The following CYTH1 variants were observed in gnomAD, a reference collection of about 807,000 sequenced individuals.
CYTH1 encodes the protein cytohesin-1.
In CYTH1, 18 loss-of-function variants were observed where a neutral mutation model predicts 61.8. The ratio of observed to expected loss-of-function variants is 0.29; its 90% confidence interval spans 0.20 to 0.43. CYTH1 has a LOEUF of 0.43. Among genes scored for constraint, CYTH1 ranks in the 20% least tolerant of loss-of-function variants. CYTH1 has a pLI of 1.00. For missense variants in CYTH1, 336 were observed against 510.5 expected (o/e 0.66, Z 3.29); for synonymous variants, 174 against 184.3 (o/e 0.94, Z 0.45).
At chr17:78,742,593 C>A (rs2093345664) in intron 1 of CYTH1, among the ~76,000 whole-genome samples, 1 of 152,154 alleles carries the variant, frequency 6.6e-6, no homozygotes, top group Non-Finnish European at 1.5e-5. Context: ...TGGCTCACGC[C>A]TGTAATTCCA....
chr17:78,759,033 A>G (rs2093412535), intron 1 of CYTH1, among the ~76,000 whole-genome samples: 1 of 151,494 alleles, frequency 6.6e-6, no homozygotes, highest in Non-Finnish European at 1.5e-5. Flanking sequence ...AGCATAGGAG[A>G]TCGAGGTTGC....
intron 10 of CYTH1, among the ~76,000 whole-genome samples, chr17:78,693,212 G>A (rs1382717379): frequency 6.6e-6 from 1 of 152,180 alleles, no homozygotes; most frequent in Non-Finnish European, 1.5e-5. Context: ...TTCTCACCTG[G>A]AGCTTATAAC....
At chr17:78,710,017 A>G (rs2093111949) in intron 1 of CYTH1, among the ~76,000 whole-genome samples, 1 of 152,164 alleles carries the variant, frequency 6.6e-6, no homozygotes. Context: ...AAAAGGATGA[A>G]TATTAGCTGA....
At position 78,680,421 on chromosome 17, in the gene CYTH1, A is replaced by G. The variant is rs923277937; in HGVS notation, c.964-77T>C. 8.8e-6 allele frequency: 13 copies of G among 1,469,704 alleles called. No individual in the cohort carries two copies. In the African/African-American group the frequency reaches 1.8e-4, roughly 21 times the overall value. The allele number at this position is 1,469,704 out of a possible 1,614,324, so 91.0% of individuals were successfully genotyped here. A position where few individuals can be genotyped will look rare whatever the true frequency, so the allele number is the denominator to read the frequency against. On this transcript the variant is annotated intron_variant, in intron 12 of 13. Transcript: ENST00000446868. Reference sequence around the variant, plus strand: ...GAGAAACATGCTGATTTCTTTCCCCAAAACCCCTTTCTTCTGACCTTCACA... The same window carrying G: ...GAGAAACATGCTGATTTCTTTCCCCGAAACCCCTTTCTTCTGACCTTCACA...
chr17:78,778,148 C>T (rs1045322727), intron 1 of CYTH1, among the ~76,000 whole-genome samples: 4 of 150,554 alleles, frequency 2.7e-5, no homozygotes, highest in Non-Finnish European at 5.9e-5. Flanking sequence ...ACTAAAAATA[C>T]AAAAATTAGC....
chr17:78,764,603 T>C lies in CYTH1; in HGVS notation c.22+17599A>G, dbSNP rs565387812. Among the ~76,000 whole-genome samples the C allele has an allele frequency of 9.9e-5, 15 of 152,268 alleles. No homozygotes were observed. In the South Asian group the frequency reaches 2.9e-3, roughly 29 times the overall value. On this transcript the variant is annotated intron_variant, in intron 1 of 13. Coordinates refer to ENST00000446868, the MANE Select transcript of CYTH1 (RefSeq NM_004762.6). ...TTTCAGCAAGAACCAGGCTTATATATAAACCCCAAAATAATGGAAGAATGA... is the reference window on the plus strand; with the variant it reads ...TTTCAGCAAGAACCAGGCTTATATACAAACCCCAAAATAATGGAAGAATGA...
intron 11 of CYTH1, among the ~76,000 whole-genome samples, chr17:78,682,914 T>C (rs1431327914): frequency 6.6e-6 from 1 of 152,130 alleles, no homozygotes; most frequent in Non-Finnish European, 1.5e-5. Flanking sequence ...TTGGGGGAGG[T>C]TTAAAAAAAT....
At chr17:78,733,113 C>T (rs1246283222) in intron 1 of CYTH1, among the ~76,000 whole-genome samples, 6 of 105,376 alleles carry the variant, frequency 5.7e-5, no homozygotes, top group Non-Finnish European at 1.2e-4. Flanking sequence ...AAAAGGATAA[C>T]ATGGAAAGTT....
intron 13 of CYTH1, 77 bp from the exon 14 acceptor site, chr17:78,676,246 A>G (rs1598802512): frequency 6.9e-7 from 1 of 1,454,234 alleles, no homozygotes. Context: ...GGGGATTCTC[A>G]GGGGCCCCTC....
intron 1 of CYTH1, among the ~76,000 whole-genome samples, chr17:78,734,986 A>T (rs551566263): frequency 3.9e-5 from 6 of 152,078 alleles, no homozygotes; most frequent in Admixed American, 3.9e-4. Flanking sequence ...ACACCTACCT[A>T]AATGCCACTC....
At position 78,772,215 on chromosome 17, in the gene CYTH1, T is replaced by C. The variant is rs185067698; in HGVS notation, c.22+9987A>G. 2.3e-3 allele frequency among the ~76,000 whole-genome samples: 354 copies of C among 152,160 alleles called. 1 individual carries two copies. Among genetic ancestry groups the C allele is most frequent in the Non-Finnish European group, 4.1e-3 (276 of 68,004 alleles). On this transcript the variant is annotated intron_variant, in intron 1 of 13. Transcript: ENST00000446868. ...GGAGAGCAGGAAAGGTGTGGAACAATAACAGGAAAGCAGACTCGACCAGAC... is the reference window on the plus strand; with the variant it reads ...GGAGAGCAGGAAAGGTGTGGAACAACAACAGGAAAGCAGACTCGACCAGAC...
At chr17:78,762,343 T>C (rs1049265811) in intron 1 of CYTH1, among the ~76,000 whole-genome samples, 7 of 152,180 alleles carry the variant, frequency 4.6e-5, no homozygotes, top group African/African-American at 1.7e-4. Context: ...AGCACTCTTC[T>C]AAAACTAGAA....
intron 1 of CYTH1, among the ~76,000 whole-genome samples, chr17:78,740,982 G>C (rs191567748): frequency 3.9e-5 from 6 of 152,292 alleles, no homozygotes; most frequent in African/African-American, 1.4e-4. Context: ...TAGGGCCTCA[G>C]AGCAGTGTCT....
rs71309108 is a variant in CYTH1 at position 78,778,637 on chromosome 17, CAAAAAAAAA to C, written c.22+3556_22+3564del. ...TGGGCAACACAGTGAGACTCCATCT[CAAAAAAAAA>C]AAAAAAAAAAAAAAAGAAAGAAAAA... On this transcript the variant is annotated intron_variant, in intron 1 of 13. Coordinates refer to ENST00000446868, the MANE Select transcript of CYTH1 (RefSeq NM_004762.6). Among the ~76,000 whole-genome samples, 33 of 64,220 alleles carry C rather than the reference CAAAAAAAAA, an allele frequency of 5.1e-4. No individual in the cohort carries two copies. The East Asian group carries it at 7.6e-3, about 15-fold the overall frequency. The allele number at this position is 64,220 out of a possible 152,430, so 42.1% of individuals were successfully genotyped here.
chr17:78,716,427 G>T (rs921222876), intron 1 of CYTH1, among the ~76,000 whole-genome samples: 3 of 152,078 alleles, frequency 2.0e-5, no homozygotes, highest in African/African-American at 7.2e-5. Context: ...GACAGAAAAC[G>T]CTTCTGGCCA....
At chr17:78,754,384 C>T (rs1355973015) in intron 1 of CYTH1, among the ~76,000 whole-genome samples, 1 of 151,842 alleles carries the variant, frequency 6.6e-6, no homozygotes, top group East Asian at 1.9e-4. Flanking sequence ...CACTGTGTTG[C>T]CCAGGCTGGA....
rs1360525508 is a variant in CYTH1, at chr17:78,727,988, C to A, written c.23-18256G>T. 1.2e-5 allele frequency: 3 copies of A among 248,888 alleles called. No homozygotes were observed. In the East Asian group the frequency reaches 3.7e-4, roughly 31 times the overall value. 15.4% of individuals were successfully genotyped at this position (248,888 alleles called of 1,614,324 possible). A position where few individuals can be genotyped will look rare whatever the true frequency, so the allele number is the denominator to read the frequency against. ...GCTGACCCATGAGAGGGCAGTGAGT[C>A]CCTGATATCATGCAGGTGTCCTATG... On this transcript the variant is annotated intron_variant, in intron 1 of 13. Coordinates refer to ENST00000446868, the MANE Select transcript of CYTH1 (RefSeq NM_004762.6).
chr17:78,775,650 T>G (rs991597530), intron 1 of CYTH1, among the ~76,000 whole-genome samples: 1 of 152,202 alleles, frequency 6.6e-6, no homozygotes, highest in African/African-American at 2.4e-5. Flanking sequence ...AAATAAAAAG[T>G]AAGGTATTTC....
At chr17:78,759,025 C>T (rs1283514084) in intron 1 of CYTH1, among the ~76,000 whole-genome samples, 1 of 151,676 alleles carries the variant, frequency 6.6e-6, no homozygotes, top group African/African-American at 2.4e-5. Flanking sequence ...ATTGCTTAAG[C>T]ATAGGAGATC....
Sources: gnomAD v4.1 joint callset for allele counts (sites outside exome capture counted in the v4.1 genomes callset) on GRCh38, gnomAD v4.1.1 for gene constraint, MANE v1.5 for transcripts, NCBI Gene and HGNC (gene_info 2026-07-23, HGNC 2026-07-21) for gene names.